The following EEFSEC variants were observed in gnomAD, a reference collection of about 807,000 sequenced individuals.
EEFSEC encodes eukaryotic elongation factor, selenocysteine-tRNA specific, also known as selenocysteine-specific elongation factor.
A neutral mutation model predicts 42.1 loss-of-function variants in EEFSEC; 43 were observed. That is an observed-to-expected ratio of 1.02 (90% CI 0.80 to 1.32). The LOEUF is 1.32. Among genes scored for constraint, EEFSEC ranks in the 40% most tolerant of loss-of-function variants. The pLI is 0.00. For missense variants in EEFSEC, 745 were observed against 803.6 expected (o/e 0.93, Z 0.88); for synonymous variants, 354 against 339.1 (o/e 1.04, Z -0.48).
intron 1 of EEFSEC, among the ~76,000 whole-genome samples, chr3:128,202,380 C>A (rs951686780): frequency 1.3e-5 from 2 of 152,270 alleles, no homozygotes; most frequent in Non-Finnish European, 1.5e-5. Flanking sequence ...AGGTCTTGTA[C>A]ATATGTTGTT....
intron 1 of EEFSEC, among the ~76,000 whole-genome samples, chr3:128,174,370 A>C (rs1439036297): frequency 6.6e-6 from 1 of 152,214 alleles, no homozygotes; most frequent in Non-Finnish European, 1.5e-5. Flanking sequence ...AACTTTGAGT[A>C]ATTTCAGTTT....
At chr3:128,241,845 A>G (rs1444895434) in intron 1 of EEFSEC, among the ~76,000 whole-genome samples, 1 of 152,262 alleles carries the variant, frequency 6.6e-6, no homozygotes, top group African/African-American at 2.4e-5. Flanking sequence ...GTGCAATCCA[A>G]TAACATAGGC....
intron 1 of EEFSEC, among the ~76,000 whole-genome samples, chr3:128,200,476 T>C (rs1576540355): frequency 6.6e-6 from 1 of 151,962 alleles, no homozygotes; most frequent in Non-Finnish European, 1.5e-5. Flanking sequence ...TTAGTAGAGA[T>C]GGGGTTTCTC....
At chr3:128,377,481 A>G (rs1220420132) in intron 6 of EEFSEC, among the ~76,000 whole-genome samples, 4 of 152,254 alleles carry the variant, frequency 2.6e-5, no homozygotes, top group Admixed American at 2.6e-4. Flanking sequence ...GCTCCAAGAT[A>G]TAAATGTCCA....
At chr3:128,201,518 G>A (rs916674310) in intron 1 of EEFSEC, among the ~76,000 whole-genome samples, 12 of 151,972 alleles carry the variant, frequency 7.9e-5, no homozygotes, top group African/African-American at 2.7e-4. Flanking sequence ...ATCTTCTTTT[G>A]TGAAGCAGCT....
chr3:128,358,206 T>C lies in EEFSEC; in HGVS notation c.1444-11T>C. On this transcript the variant is annotated splice_polypyrimidine_tract_variant and intron_variant, in intron 5 of 6. Coordinates refer to ENST00000254730, the MANE Select transcript of EEFSEC (RefSeq NM_021937.5). ...AATGCCCTCTCTCTGTGGCTGGGTGTGTGGGGACAGGCGATGGATGACTAC... is the reference window on the plus strand; with the variant it reads ...AATGCCCTCTCTCTGTGGCTGGGTGCGTGGGGACAGGCGATGGATGACTAC... The C allele has an allele frequency of 6.2e-7, 1 of 1,613,122 alleles. No homozygotes were observed. The highest frequency in any genetic ancestry group is 1.1e-5 in the South Asian group (1 of 90,980).
chr3:128,318,573 G>A (rs182426422), intron 4 of EEFSEC, among the ~76,000 whole-genome samples: 131 of 152,290 alleles, frequency 8.6e-4, no homozygotes, highest in Non-Finnish European at 7.8e-4. Context: ...TAGAAATGGC[G>A]GGCCCCTCCC....
intron 6 of EEFSEC, among the ~76,000 whole-genome samples, chr3:128,381,392 A>C (rs1367600645): frequency 1.3e-5 from 2 of 152,218 alleles, no homozygotes; most frequent in African/African-American, 2.4e-5. Context: ...GATTGCTAGA[A>C]ATAAATGATC....
At chr3:128,207,566 TACAC>T (rs10574435) in intron 1 of EEFSEC, among the ~76,000 whole-genome samples, 8,777 of 142,194 alleles carry the variant, frequency 0.062, 279 homozygotes, top group Middle Eastern at 0.093. Flanking sequence ...ACACATTGCA[TACAC>T]ACACACACAC....
intron 6 of EEFSEC, among the ~76,000 whole-genome samples, chr3:128,404,691 CG>C (rs778692536): frequency 6.6e-6 from 1 of 152,216 alleles, no homozygotes. Context: ...CCATCCCAAG[CG>C]GGGGGCAGAC....
chr3:128,323,370 A>G (rs1039387752), intron 4 of EEFSEC, among the ~76,000 whole-genome samples: 1 of 152,168 alleles, frequency 6.6e-6, no homozygotes, highest in South Asian at 2.1e-4. Context: ...GGTCAGACAC[A>G]GTGGAACGAA....
chr3:128,252,238 A>G (rs973460678), intron 2 of EEFSEC, among the ~76,000 whole-genome samples: 13 of 152,130 alleles, frequency 8.5e-5, no homozygotes, highest in South Asian at 6.2e-4. Flanking sequence ...TTGAATGCCA[A>G]TCTCAAGGAA....
chr3:128,395,626 C>T (rs1000138354), intron 6 of EEFSEC, among the ~76,000 whole-genome samples: 2 of 152,240 alleles, frequency 1.3e-5, no homozygotes, highest in African/African-American at 4.8e-5. Flanking sequence ...CAGAGTGGGA[C>T]TCCTGCCAGG....
In EEFSEC at chr3:128,153,687, G is replaced by C; in HGVS notation, c.180G>C (p.Leu60=). 1.9e-6 allele frequency: 3 copies of C among 1,591,954 alleles called. No homozygotes were observed. The highest frequency in any genetic ancestry group is 2.5e-6 in the Non-Finnish European group (3 of 1,176,518). ...DLGFSCFSVP[L]PARLRSSLPE... Reference sequence around the variant, plus strand: ...GCTTCTCGTGCTTCTCGGTGCCGCTGCCCGCGCGCCTGCGGTCGTCTTTGC... The same window carrying C: ...GCTTCTCGTGCTTCTCGGTGCCGCTCCCCGCGCGCCTGCGGTCGTCTTTGC... The change falls in exon 1 of 7, where the codon CTG becomes CTC. Residue 60 remains leucine (L), a synonymous_variant. Transcript: ENST00000254730.
intron 5 of EEFSEC, among the ~76,000 whole-genome samples, chr3:128,347,177 T>C (rs936440156): frequency 9.9e-5 from 15 of 152,220 alleles, no homozygotes; most frequent in African/African-American, 3.6e-4. Flanking sequence ...GTGCTGTGTT[T>C]TTTATTCTTG....
chr3:128,229,254 T>G (rs2065937047), intron 1 of EEFSEC, among the ~76,000 whole-genome samples: 1 of 151,922 alleles, frequency 6.6e-6, no homozygotes, highest in African/African-American at 2.4e-5. Context: ...GGGGAGCGAG[T>G]GTTTGGCAGC....
chr3:128,382,585 GATAA>G (rs1289260849), intron 6 of EEFSEC, among the ~76,000 whole-genome samples: 1 of 152,186 alleles, frequency 6.6e-6, no homozygotes, highest in Non-Finnish European at 1.5e-5. Flanking sequence ...CACCCTTCCA[GATAA>G]ATATTTTTCG....
chr3:128,237,979 A>T lies in EEFSEC; in HGVS notation c.317-8857A>T, dbSNP rs191688048. On this transcript the variant is annotated intron_variant, in intron 1 of 6. Coordinates refer to ENST00000254730, the MANE Select transcript of EEFSEC (RefSeq NM_021937.5). ...CACTCAGGAATGCATGATTCTGGCC[A>T]AGAGGCAGCTGATAATAGAAAAAGC... Among the ~76,000 whole-genome samples, 358 of 152,320 alleles carry T rather than the reference A, an allele frequency of 2.4e-3. 13 individuals carry two copies. The highest frequency in any genetic ancestry group is 3.4e-3 in the Middle Eastern group (1 of 294).
chr3:128,254,115 GC>G (rs1436037983), intron 2 of EEFSEC, among the ~76,000 whole-genome samples: 1 of 152,194 alleles, frequency 6.6e-6, no homozygotes, highest in East Asian at 1.9e-4. Flanking sequence ...CTGGATGATG[GC>G]GAAGGTGAGC....
Sources: allele counts gnomAD v4.1 joint callset (sites outside exome capture counted in the v4.1 genomes callset), GRCh38; gene constraint gnomAD v4.1.1; transcripts MANE v1.5; gene names NCBI Gene and HGNC (gene_info 2026-07-23, HGNC 2026-07-21).